The following CTNNA3 variants were observed in gnomAD, a reference collection of about 807,000 sequenced individuals.
CTNNA3 encodes catenin alpha-3.
Under a neutral mutation model 95.7 loss-of-function variants are expected in CTNNA3, and 76 were observed. The observed-to-expected ratio is 0.79, with a 90% CI of 0.66 to 0.96. CTNNA3 has a LOEUF of 0.96. CTNNA3 is among the 40% of genes least tolerant of loss of function. The probability of loss-of-function intolerance (pLI) is 0.00; values close to 1 mark genes in which losing one functional copy is unlikely to be tolerated. For synonymous variants in CTNNA3, 431 were observed against 374.4 expected (o/e 1.15, Z -1.74); for missense variants, 1,191 against 1,089.8 (o/e 1.09, Z -1.31).
At position 66,632,881 on chromosome 10, in the gene CTNNA3, G is replaced by T. The variant is rs375716007; in HGVS notation, c.1282-11097C>A. Among the ~76,000 whole-genome samples the T allele has an allele frequency of 1.4e-4, 21 of 152,054 alleles. No homozygotes were observed. The South Asian group carries it at 1.7e-3, about 12-fold the overall frequency. On this transcript the variant is annotated intron_variant, in intron 9 of 17. Transcript: ENST00000433211. ...ATAAGGAAAAAAGGCCATTAAAAAT[G>T]GACAAAATATTTAAATAGAGACTTT...
intron 7 of CTNNA3, among the ~76,000 whole-genome samples, chr10:67,034,263 C>T (rs1853907661): frequency 6.6e-6 from 1 of 152,156 alleles, no homozygotes; most frequent in African/African-American, 2.4e-5. Flanking sequence ...TCTGTGTAAT[C>T]ATTTGCCAAG....
intron 12 of CTNNA3, among the ~76,000 whole-genome samples, chr10:66,361,375 C>A (rs2092673660): frequency 1.1e-5 from 1 of 87,356 alleles, no homozygotes; most frequent in Admixed American, 1.5e-4. Flanking sequence ...TTTCTTTTTT[C>A]CTTTCCTTTC....
chr10:66,481,461 C>CTTTTTTTT (rs148278459), intron 11 of CTNNA3, among the ~76,000 whole-genome samples: 26 of 73,240 alleles, frequency 3.5e-4, no homozygotes, highest in Non-Finnish European at 5.3e-4. Context: ...TCCCTTGTTT[C>CTTTTTTTT]TTTTTTTTTT....
chr10:66,163,927 C>G (rs1016972583), intron 13 of CTNNA3, among the ~76,000 whole-genome samples: 2 of 152,034 alleles, frequency 1.3e-5, no homozygotes, highest in African/African-American at 4.8e-5. Flanking sequence ...TGGTAAGTAC[C>G]ATGGAAGTGT....
intron 11 of CTNNA3, among the ~76,000 whole-genome samples, chr10:66,422,733 G>A (rs1324104586): frequency 6.6e-6 from 1 of 151,914 alleles, no homozygotes; most frequent in Non-Finnish European, 1.5e-5. Context: ...GTTGTATTTT[G>A]AGAAAGATGA....
At position 66,085,809 on chromosome 10, in the gene CTNNA3, T is replaced by C. The variant is rs954165518; in HGVS notation, c.1978-16320A>G. Among the ~76,000 whole-genome samples the C allele has an allele frequency of 5.9e-5, 9 of 152,160 alleles. 1 individual carries two copies. The highest frequency in any genetic ancestry group is 1.3e-4 in the Non-Finnish European group (9 of 68,032). On this transcript the variant is annotated intron_variant, in intron 14 of 17. Coordinates refer to ENST00000433211, the MANE Select transcript of CTNNA3 (RefSeq NM_013266.4). ...CATTGTCAGATCTCAATTAAAGGAA[T>C]CTTCCTTCTATATGCAATGGAAGTA...
chr10:66,991,787 G>T (rs8181381), intron 7 of CTNNA3, among the ~76,000 whole-genome samples: 72,371 of 152,010 alleles, frequency 0.48, 17,858 homozygotes, highest in African/African-American at 0.58. Context: ...ATCACATGTA[G>T]GATATTTTCT....
At chr10:67,043,196 A>C (rs1854516058) in intron 7 of CTNNA3, among the ~76,000 whole-genome samples, 1 of 145,356 alleles carries the variant, frequency 6.9e-6, no homozygotes, top group African/African-American at 2.6e-5. Flanking sequence ...TTCTCCCTAT[A>C]GCTCACATAC....
At chr10:66,693,636 A>G (rs1192178413) in intron 9 of CTNNA3, among the ~76,000 whole-genome samples, 2 of 152,028 alleles carry the variant, frequency 1.3e-5, no homozygotes, top group South Asian at 4.1e-4. Context: ...AGAACTCTTC[A>G]CCCCAAATCA....
In CTNNA3 at chr10:67,562,645, C is replaced by T. The variant is rs534041034; in HGVS notation, c.293-22976G>A. Reference sequence around the variant, plus strand: ...TGTTGGAAGTTCTGGCCAGGGCAATCAGGCAGGAGAAGTAAATAAAGGGTA... The same window carrying T: ...TGTTGGAAGTTCTGGCCAGGGCAATTAGGCAGGAGAAGTAAATAAAGGGTA... On this transcript the variant is annotated intron_variant, in intron 3 of 17. Coordinates refer to ENST00000433211, the MANE Select transcript of CTNNA3 (RefSeq NM_013266.4). Among the ~76,000 whole-genome samples, 82 of 152,240 alleles carry T rather than the reference C, an allele frequency of 5.4e-4. 1 individual carries two copies. The South Asian group carries it at 0.016, about 29-fold the overall frequency.
intron 1 of CTNNA3, chr10:67,751,331 C>G: frequency 1.3e-6 from 1 of 746,940 alleles, no homozygotes; most frequent in Non-Finnish European, 2.4e-6. Flanking sequence ...TATCTGAGAT[C>G]ACAGTGACTT....
chr10:67,496,897 C>T (rs919216342), intron 5 of CTNNA3, among the ~76,000 whole-genome samples: 10 of 152,012 alleles, frequency 6.6e-5, no homozygotes, highest in Non-Finnish European at 1.5e-4. Context: ...GCTATCTTAA[C>T]TTTTTTATTT....
chr10:66,830,728 G>A (rs1842687294), intron 7 of CTNNA3, among the ~76,000 whole-genome samples: 1 of 151,906 alleles, frequency 6.6e-6, no homozygotes, highest in African/African-American at 2.4e-5. Context: ...TCCTGCCTCA[G>A]CCTCCCGAGT....
At chr10:67,092,087 C>CA (rs34522676) in intron 7 of CTNNA3, among the ~76,000 whole-genome samples, 82,001 of 151,742 alleles carry the variant, frequency 0.54, 23,460 homozygotes, top group African/African-American at 0.74. Flanking sequence ...TCGATAGTGA[C>CA]AAGGACTACA....
At chr10:66,206,398 G>A (rs1171872141) in intron 13 of CTNNA3, among the ~76,000 whole-genome samples, 2 of 151,764 alleles carry the variant, frequency 1.3e-5, no homozygotes, top group East Asian at 1.9e-4. Context: ...ATGAGTGAAC[G>A]GGAATGGCCT....
intron 7 of CTNNA3, among the ~76,000 whole-genome samples, chr10:67,030,246 A>G (rs1853634134): frequency 1.3e-5 from 2 of 152,340 alleles, no homozygotes; most frequent in African/African-American, 4.8e-5. Flanking sequence ...TCTGCTCTAC[A>G]TAATGGTGCT....
At chr10:66,928,187 G>C (rs1847182493) in intron 7 of CTNNA3, 1 of 1,614,010 alleles carries the variant, frequency 6.2e-7, no homozygotes, top group African/African-American at 1.3e-5. Context: ...ATCGCGGGCA[G>C]CGTGGCGCTT....
chr10:66,382,733 C>G (rs2092852231), intron 11 of CTNNA3, among the ~76,000 whole-genome samples: 1 of 152,070 alleles, frequency 6.6e-6, no homozygotes, highest in African/African-American at 2.4e-5. Context: ...ATGAAGCTTC[C>G]AGAGGAAGGA....
At chr10:66,803,215 G>C (rs1272437398) in intron 7 of CTNNA3, among the ~76,000 whole-genome samples, 1 of 151,846 alleles carries the variant, frequency 6.6e-6, no homozygotes, top group Non-Finnish European at 1.5e-5. Flanking sequence ...CATTTGGTTT[G>C]GTTCTGGATT....
Sources: gnomAD v4.1 joint callset for allele counts (sites outside exome capture counted in the v4.1 genomes callset) on GRCh38, gnomAD v4.1.1 for gene constraint, MANE v1.5 for transcripts, NCBI Gene and HGNC (gene_info 2026-07-23, HGNC 2026-07-21) for gene names.